PCDHGA4: variants seen among roughly 807,000 people sequenced by gnomAD.
The protein encoded by PCDHGA4 is protocadherin gamma-A4.
PCDHGA4 carries 38 observed loss-of-function variants against 54.6 expected under a neutral mutation model. That is an observed-to-expected ratio of 0.70 (90% CI 0.54 to 0.91). The LOEUF (loss-of-function observed/expected upper bound fraction) is 0.91. PCDHGA4 is among the 40% of genes least tolerant of loss of function. The probability of loss-of-function intolerance (pLI) is 0.00; values close to 1 mark genes in which losing one functional copy is unlikely to be tolerated. For synonymous variants in PCDHGA4, 511 were observed against 512.9 expected, an observed-to-expected ratio of 1.00 and a Z score of 0.05; for missense variants, 1,298 against 1,220.9, an observed-to-expected ratio of 1.06 and a Z score of -0.94.
In PCDHGA4 at chr5:141,417,986, A is replaced by G. The variant is rs777967345; in HGVS notation, c.2514+60365A>G. On this transcript the variant is annotated intron_variant, in intron 1 of 3. Coordinates refer to ENST00000571252, the MANE Select transcript of PCDHGA4 (RefSeq NM_018917.4). ...CTACTCGATTCCGGAGGAGCTGGCC[A>G]AGGGCTCGGTGGTGGGGAACCTCGC... The G allele has an allele frequency of 9.9e-6, 16 of 1,613,490 alleles. No individual in the cohort carries two copies. Among genetic ancestry groups the G allele is most frequent in the Non-Finnish European group, 1.4e-5 (16 of 1,179,718 alleles).
chr5:141,422,576 C>G (rs778942661), intron 1 of PCDHGA4: 1 of 1,614,034 alleles, frequency 6.2e-7, no homozygotes, highest in South Asian at 1.1e-5. Context: ...AACGATAACC[C>G]TCCCGTTTTT....
chr5:141,405,540 C>A (rs2094682922), intron 1 of PCDHGA4: 1 of 641,202 alleles, frequency 1.6e-6, no homozygotes, highest in African/African-American at 1.8e-5. Context: ...CTGCCTCAGC[C>A]TCCCAAGTAG....
chr5:141,409,143 G>A (rs778597273), intron 1 of PCDHGA4: 1 of 1,613,868 alleles, frequency 6.2e-7, no homozygotes, highest in African/African-American at 1.3e-5. Flanking sequence ...GATGTAGAAA[G>A]GTACACCATG....
intron 1 of PCDHGA4, chr5:141,404,785 C>T (rs1028323734): frequency 1.9e-6 from 3 of 1,613,330 alleles, no homozygotes; most frequent in Admixed American, 1.7e-5. Context: ...TATTCAAGGC[C>T]AGTGAGCCAG....
chr5:141,362,200 C>T, intron 1 of PCDHGA4: 1 of 1,614,066 alleles, frequency 6.2e-7, no homozygotes, highest in Non-Finnish European at 8.5e-7. Flanking sequence ...GGCAAAACTG[C>T]AGTTTTACCT....
intron 1 of PCDHGA4, chr5:141,398,338 G>A (rs1261830149): frequency 4.4e-6 from 6 of 1,375,730 alleles, no homozygotes; most frequent in Non-Finnish European, 6.0e-6. Context: ...CGTCAGTTCG[G>A]AGAAGCCTTA....
chr5:141,397,298 T>C (rs140040192), intron 1 of PCDHGA4, among the ~76,000 whole-genome samples: 13 of 152,318 alleles, frequency 8.5e-5, no homozygotes, highest in African/African-American at 2.9e-4. Context: ...AATGAATATT[T>C]CCTGAAGTAG....
intron 1 of PCDHGA4, among the ~76,000 whole-genome samples, chr5:141,406,925 GTAT>G (rs2094866637): frequency 6.6e-6 from 1 of 152,150 alleles, no homozygotes; most frequent in South Asian, 2.1e-4. Flanking sequence ...AGAGAATAAT[GTAT>G]TATTTAATGT....
chr5:141,362,282 G>C lies in PCDHGA4; in HGVS notation c.2514+4661G>C, dbSNP rs750712376. The C allele has an allele frequency of 2.5e-6, 4 of 1,613,920 alleles. No homozygotes were observed. In the East Asian group the frequency reaches 8.9e-5, roughly 36 times the overall value. ...ATTCTGGCAATCTCCCTGCGCCTGC[G>C]ACTCTCTTCCAGGTCAGATGCTTGG... On this transcript the variant is annotated intron_variant, in intron 1 of 3. Transcript: ENST00000571252.
chr5:141,491,845 G>A lies in PCDHGA4; in HGVS notation c.2515-2962G>A. 6.8e-7 allele frequency: 1 copy of A among 1,463,944 alleles called. No homozygotes were observed. The highest frequency in any genetic ancestry group is 9.0e-7 in the Non-Finnish European group (1 of 1,106,126). 90.7% of individuals were successfully genotyped at this position (1,463,944 alleles called of 1,614,324 possible). ...CTCCACCCGATTCTCGGGATCATTGGACCGTTTGCGCGAAACCAGAGTGGC... is the reference window on the plus strand; with the variant it reads ...CTCCACCCGATTCTCGGGATCATTGAACCGTTTGCGCGAAACCAGAGTGGC... On this transcript the variant is annotated intron_variant, in intron 1 of 3. Coordinates refer to ENST00000571252, the MANE Select transcript of PCDHGA4 (RefSeq NM_018917.4). This position sits in a 1 kb window ranked among gnomAD's most constrained non-coding sequence, Gnocchi z 6.9.
chr5:141,399,611 T>A, intron 1 of PCDHGA4: 2 of 1,613,930 alleles, frequency 1.2e-6, no homozygotes, highest in Non-Finnish European at 1.7e-6. Flanking sequence ...CTAGAGCCTC[T>A]GGCACTGGCC....
intron 1 of PCDHGA4, chr5:141,376,356 CA>C (rs1259525756): frequency 2.5e-6 from 4 of 1,614,228 alleles, no homozygotes; most frequent in Non-Finnish European, 1.7e-6. Context: ...CACGAGGTCT[CA>C]CTCACTGCAG....
In PCDHGA4 at chr5:141,491,198, A is replaced by T. The variant is rs1344758185; in HGVS notation, c.2515-3609A>T. ...GTGGTCCTGGTGAGGGACAATGGTG[A>T]CCCTTCACTCTCCTCCACAGCCACA... On this transcript the variant is annotated intron_variant, in intron 1 of 3. Coordinates refer to ENST00000571252, the MANE Select transcript of PCDHGA4 (RefSeq NM_018917.4). This position sits in a 1 kb window ranked among gnomAD's most constrained non-coding sequence, Gnocchi z 6.9. 1.2e-6 allele frequency: 2 copies of T among 1,613,912 alleles called. No individual in the cohort carries two copies. The highest frequency in any genetic ancestry group is 1.3e-5 in the African/African-American group (1 of 74,866).
chr5:141,395,136 T>A, intron 1 of PCDHGA4: 1 of 1,614,202 alleles, frequency 6.2e-7, no homozygotes, highest in Non-Finnish European at 8.5e-7. Context: ...CCAGCCCAAC[T>A]ACGCAGACAT....
At chr5:141,397,871 C>G (rs2093579938) in intron 1 of PCDHGA4, 6 of 574,628 alleles carry the variant, frequency 1.0e-5, no homozygotes, top group Non-Finnish European at 1.8e-5. Flanking sequence ...AGTGCTGACT[C>G]TGGGCGCCGC....
intron 1 of PCDHGA4, among the ~76,000 whole-genome samples, chr5:141,449,848 T>C (rs7713034): frequency 0.29 from 44,283 of 151,474 alleles, 7,514 homozygotes; most frequent in African/African-American, 0.48. Flanking sequence ...AATTAAATTT[T>C]AATAATAAAA....
In PCDHGA4 at chr5:141,511,364, T is replaced by C. The variant is rs115159796; in HGVS notation, c.*191T>C. The C allele has an allele frequency of 4.6e-4, 610 of 1,317,098 alleles. 5 individuals are homozygous for C. In the African/African-American group the frequency reaches 7.1e-3, roughly 15 times the overall value. The allele number at this position is 1,317,098 out of a possible 1,614,324, so 81.6% of individuals were successfully genotyped here. On this transcript the variant is annotated 3_prime_UTR_variant, in exon 4 of 4. Coordinates refer to ENST00000571252, the MANE Select transcript of PCDHGA4 (RefSeq NM_018917.4). ...ACCCCTTCCCCCCCAGGGGGTTGAA[T>C]ATGCAAAAGCAGTTCCGCTGGGAAC...
At chr5:141,461,242 T>G (rs1246270739) in intron 1 of PCDHGA4, among the ~76,000 whole-genome samples, 1 of 152,170 alleles carries the variant, frequency 6.6e-6, no homozygotes, top group Non-Finnish European at 1.5e-5. Context: ...TGTACTAATT[T>G]ATATTCCCAG....
Position 141,504,006 on chromosome 5 carries a change from G to C in PCDHGA4, c.2574-1387G>C, listed in dbSNP as rs138738950. Among the ~76,000 whole-genome samples, 1,431 of 152,182 alleles carry C rather than the reference G, an allele frequency of 9.4e-3. 31 individuals are homozygous for C. The highest frequency in any genetic ancestry group is 0.033 in the African/African-American group (1,367 of 41,490). On this transcript the variant is annotated intron_variant, in intron 2 of 3. Coordinates refer to ENST00000571252, the MANE Select transcript of PCDHGA4 (RefSeq NM_018917.4). The stretch of plus-strand genomic sequence containing the variant: ...CTTCTTACCTTACAGTCACTTAACT[G>C]TCTCTGCTGGTCTCTTCCCACTCAT...
Sources: gnomAD v4.1 joint callset for allele counts (sites outside exome capture counted in the v4.1 genomes callset) on GRCh38, gnomAD v4.1.1 for gene constraint, Gnocchi (gnomAD v3.1) non-coding constraint, MANE v1.5 for transcripts, NCBI Gene and HGNC (gene_info 2026-07-23, HGNC 2026-07-21) for gene names.